ULK4: variants seen among roughly 807,000 people sequenced by gnomAD.
The protein encoded by ULK4 is unc-51 like kinase 4, also known as inactive serine/threonine-protein kinase ULK4.
In ULK4, 133 loss-of-function variants were observed where a neutral mutation model predicts 160.6. The ratio of observed to expected loss-of-function variants is 0.83; its 90% CI spans 0.72 to 0.96. The LOEUF (loss-of-function observed/expected upper bound fraction) is 0.96. ULK4 is among the 40% of genes least tolerant of loss of function. The probability of loss-of-function intolerance (pLI) is 0.00; values close to 1 mark genes in which losing one functional copy is unlikely to be tolerated. For synonymous variants in ULK4, 534 were observed against 539.8 expected, an observed-to-expected ratio of 0.99 and a Z score of 0.15; for missense variants, 1,580 against 1,499.5, an observed-to-expected ratio of 1.05 and a Z score of -0.89.
intron 29 of ULK4, among the ~76,000 whole-genome samples, chr3:41,671,604 A>C (rs115537093): frequency 6.6e-6 from 1 of 152,136 alleles, no homozygotes; most frequent in Non-Finnish European, 1.5e-5. Context: ...ATAAGACCTG[A>C]AAGTATAAAA....
At chr3:41,512,363 T>C (rs549766137) in intron 32 of ULK4, among the ~76,000 whole-genome samples, 7 of 152,292 alleles carry the variant, frequency 4.6e-5, no homozygotes, top group East Asian at 3.9e-4. Flanking sequence ...GATATGATCA[T>C]ATACCTACCA....
At chr3:41,279,254 G>GAAAAAAAAAAAAAAAAAAAAAAAAAAAAA (rs2079295716) in intron 35 of ULK4, among the ~76,000 whole-genome samples, 1 of 54,186 alleles carries the variant, frequency 1.8e-5, no homozygotes, top group East Asian at 5.2e-4. Flanking sequence ...GAAAAAAAGA[G>GAAAAAAAAAAAAAAAAAAAAAAAAAAAAA]TAAAAAAAAA....
chr3:41,488,944 GGAGT>G (rs1439970100), intron 32 of ULK4, among the ~76,000 whole-genome samples: 2 of 152,034 alleles, frequency 1.3e-5, no homozygotes, highest in Admixed American at 6.6e-5. Flanking sequence ...TGCAGGTCTC[GGAGT>G]AAGAGAAACT....
Position 41,317,061 on chromosome 3 carries a change from C to CTTTTT in ULK4, c.3679-67488_3679-67487insAAAAA, listed in dbSNP as rs1170201981. On this transcript the variant is annotated intron_variant, in intron 35 of 36. Transcript: ENST00000301831. Reference sequence around the variant, plus strand: ...TTTGATGTAAAATAGGCAATTACATCTATTTTTTTTTTTTTTTTTTTTTTT... The same window carrying CTTTTT: ...TTTGATGTAAAATAGGCAATTACATCTTTTTTATTTTTTTTTTTTTTTTTTTTTTT... Among the ~76,000 whole-genome samples, 74 of 92,124 alleles carry CTTTTT rather than the reference C, an allele frequency of 8.0e-4. 3 individuals carry two copies. The highest frequency in any genetic ancestry group is 3.2e-3 in the African/African-American group (67 of 20,738). The allele number at this position is 92,124 out of a possible 152,430, so 60.4% of individuals were successfully genotyped here.
intron 35 of ULK4, among the ~76,000 whole-genome samples, chr3:41,275,706 G>C (rs1032637087): frequency 1.3e-5 from 2 of 152,232 alleles, no homozygotes; most frequent in Admixed American, 1.3e-4. Flanking sequence ...TCAGATGTCT[G>C]AATGCTCATG....
chr3:41,636,512 C>T (rs959008313), intron 30 of ULK4, among the ~76,000 whole-genome samples: 6 of 146,384 alleles, frequency 4.1e-5, no homozygotes, highest in South Asian at 2.2e-4. Flanking sequence ...CTAGCCTGGT[C>T]GACAGAGCAA....
chr3:41,776,596 A>C (rs571578237), intron 21 of ULK4, among the ~76,000 whole-genome samples: 1 of 115,476 alleles, frequency 8.7e-6, no homozygotes, highest in African/African-American at 3.0e-5. Flanking sequence ...AATACGTCCC[A>C]TCAATACCTA....
chr3:41,563,764 C>G (rs1201354159), intron 32 of ULK4, among the ~76,000 whole-genome samples: 1 of 152,100 alleles, frequency 6.6e-6, no homozygotes, highest in Admixed American at 6.5e-5. Flanking sequence ...TTCGTCTAAA[C>G]TTTTTTCAAG....
At chr3:41,831,531 A>ATATATATATAT in intron 18 of ULK4, among the ~76,000 whole-genome samples, 3 of 138,120 alleles carry the variant, frequency 2.2e-5, no homozygotes, top group Admixed American at 7.2e-5. Context: ...ATATATATAT[A>ATATATATATAT]TTTTTTTTTC....
intron 31 of ULK4, among the ~76,000 whole-genome samples, chr3:41,604,816 T>A (rs1438839423): frequency 6.6e-6 from 1 of 152,096 alleles, no homozygotes; most frequent in African/African-American, 2.4e-5. Context: ...CCGTGGACTT[T>A]CTTTCTCAAA....
chr3:41,610,390 A>G (rs1350087282), intron 31 of ULK4, among the ~76,000 whole-genome samples: 1 of 152,212 alleles, frequency 6.6e-6, no homozygotes, highest in Non-Finnish European at 1.5e-5. Context: ...TTCATGGTAT[A>G]TTTAACATAA....
chr3:41,856,476 G>T, intron 17 of ULK4, among the ~76,000 whole-genome samples: 2 of 142,020 alleles, frequency 1.4e-5, no homozygotes, highest in South Asian at 2.2e-4. Flanking sequence ...GGGATACAAA[G>T]TACTCCATGA....
At chr3:41,820,317 T>C (rs566419183) in intron 18 of ULK4, among the ~76,000 whole-genome samples, 1 of 152,278 alleles carries the variant, frequency 6.6e-6, no homozygotes, top group East Asian at 1.9e-4. Flanking sequence ...ACTGGTTATA[T>C]ACCCAAAGGA....
chr3:41,897,077 AAC>A (rs1389175670), intron 14 of ULK4, 74 bp from the exon 15 acceptor site: 8 of 1,351,110 alleles, frequency 5.9e-6, no homozygotes, highest in African/African-American at 4.3e-5. Flanking sequence ...ATAAGAAATA[AAC>A]ACAGAATTAC....
At chr3:41,504,236 A>G (rs1429677638) in intron 32 of ULK4, among the ~76,000 whole-genome samples, 2 of 152,128 alleles carry the variant, frequency 1.3e-5, no homozygotes, top group African/African-American at 4.8e-5. Context: ...CACATGTCCT[A>G]TCTGCTAACT....
intron 29 of ULK4, among the ~76,000 whole-genome samples, chr3:41,675,188 C>T (rs939951737): frequency 6.6e-5 from 10 of 151,386 alleles, no homozygotes; most frequent in African/African-American, 2.2e-4. Flanking sequence ...TGCAATGAGC[C>T]GAGATCATTC....
intron 35 of ULK4, among the ~76,000 whole-genome samples, chr3:41,261,010 A>G (rs1192022055): frequency 6.6e-6 from 1 of 152,202 alleles, no homozygotes; most frequent in African/African-American, 2.4e-5. Flanking sequence ...GGAAGAAAAC[A>G]GCAGATGACC....
At chr3:41,481,963 T>TG (rs1310539298) in intron 32 of ULK4, among the ~76,000 whole-genome samples, 4 of 152,292 alleles carry the variant, frequency 2.6e-5, no homozygotes, top group East Asian at 3.9e-4. Flanking sequence ...CTATGATTTT[T>TG]TTTGTTGTTG....
intron 17 of ULK4, among the ~76,000 whole-genome samples, chr3:41,840,817 G>A (rs535429729): frequency 7.9e-5 from 12 of 151,910 alleles, no homozygotes; most frequent in Non-Finnish European, 1.3e-4. Flanking sequence ...AGTGGGGAGC[G>A]TCTCTGCCTA....
Sources: gnomAD v4.1 joint callset for allele counts (sites outside exome capture counted in the v4.1 genomes callset) on GRCh38, gnomAD v4.1.1 for gene constraint, MANE v1.5 for transcripts, NCBI Gene and HGNC (gene_info 2026-07-23, HGNC 2026-07-21) for gene names.